The following SLC18A2 variants were observed in gnomAD, a reference collection of about 807,000 sequenced individuals.
SLC18A2 encodes solute carrier family 18 member A2, also known as synaptic vesicular amine transporter.
Under a neutral mutation model 59.2 loss-of-function variants are expected in SLC18A2, and 33 were observed. The observed-to-expected ratio is 0.56, with a 90% confidence interval of 0.42 to 0.75. SLC18A2 has a LOEUF of 0.75. Among genes scored for constraint, SLC18A2 ranks in the 30% least tolerant of loss-of-function variants. SLC18A2 has a pLI of 0.00. For missense variants in SLC18A2, 569 were observed against 668.6 expected, an observed-to-expected ratio of 0.85 and a Z score of 1.64; for synonymous variants, 228 against 253.5, an observed-to-expected ratio of 0.90 and a Z score of 0.95.
chr10:117,251,367 G>A (rs1844160325), intron 3 of SLC18A2, among the ~76,000 whole-genome samples: 1 of 152,138 alleles, frequency 6.6e-6, no homozygotes, highest in African/African-American at 2.4e-5. Context: ...CCGGTGTTGG[G>A]TTTCTTTTGT....
chr10:117,268,999 C>G (rs1357941716), intron 13 of SLC18A2, among the ~76,000 whole-genome samples: 7 of 151,146 alleles, frequency 4.6e-5, no homozygotes, highest in Non-Finnish European at 1.5e-5. Context: ...TACACACAAA[C>G]ACACATACAC....
At chr10:117,251,579 T>G (rs1361966426) in intron 3 of SLC18A2, among the ~76,000 whole-genome samples, 1 of 152,256 alleles carries the variant, frequency 6.6e-6, no homozygotes, top group Non-Finnish European at 1.5e-5. Context: ...GGGAGGGGAC[T>G]GACTGTCTGG....
chr10:117,277,361 A>G lies in SLC18A2; in HGVS notation c.*95A>G. ...CAGAACTGTCTTAGTCATACCATCC[A>G]TCCCTGGTGAAAGAGTAAAACCAAA... On this transcript the variant is annotated 3_prime_UTR_variant, in exon 16 of 16. Transcript: ENST00000644641. 1.5e-6 allele frequency: 1 copy of G among 668,368 alleles called. No homozygotes were observed. The allele number at this position is 668,368 out of a possible 1,614,324, so 41.4% of individuals were successfully genotyped here.
At chr10:117,249,668 G>A (rs1844141422) in intron 3 of SLC18A2, among the ~76,000 whole-genome samples, 1 of 152,178 alleles carries the variant, frequency 6.6e-6, no homozygotes, top group Non-Finnish European at 1.5e-5. Flanking sequence ...GCTTCCATTA[G>A]TCTCTATGGC....
intron 10 of SLC18A2, 41 bp downstream of exon 10, chr10:117,257,933 T>C (rs1844248916): frequency 1.4e-6 from 2 of 1,429,576 alleles, no homozygotes; most frequent in African/African-American, 1.4e-5. Context: ...AGAGCATTTG[T>C]CCCCAGGGCA....
rs1173331691 is a variant in SLC18A2 at position 117,241,138 on chromosome 10, C to T, written c.-98C>T. 6.6e-6 allele frequency: 1 copy of T among 151,956 alleles called. No homozygotes were observed. Among genetic ancestry groups the T allele is most frequent in the Non-Finnish European group, 1.5e-5 (1 of 68,078 alleles). The allele number at this position is 151,956 out of a possible 1,614,324, so 9.4% of individuals were successfully genotyped here. On this transcript the variant is annotated 5_prime_UTR_variant, in exon 1 of 16. Coordinates refer to ENST00000644641, the MANE Select transcript of SLC18A2 (RefSeq NM_003054.6). The stretch of plus-strand genomic sequence containing the variant: ...TGGGGCGGAGACTGCGACCCGGAGC[C>T]GCCCGGACTGACGGAGCCCACTGCG...
In SLC18A2 at chr10:117,277,078, A is replaced by G. The variant is rs1489033487; in HGVS notation, c.1441-84A>G. The G allele has an allele frequency of 6.3e-6, 5 of 792,312 alleles. No individual in the cohort carries two copies. The East Asian group carries it at 1.3e-4, about 21-fold the overall frequency. 49.1% of individuals were successfully genotyped at this position (792,312 alleles called of 1,614,324 possible). ...AGTAATACTACATAGTTTTCAAACTAATAATCCTTAAAAACAGTAGGTTAA... is the reference window on the plus strand; with the variant it reads ...AGTAATACTACATAGTTTTCAAACTGATAATCCTTAAAAACAGTAGGTTAA... On this transcript the variant is annotated intron_variant, in intron 15 of 15. Coordinates refer to ENST00000644641, the MANE Select transcript of SLC18A2 (RefSeq NM_003054.6).
Position 117,257,725 on chromosome 10 carries a change from C to T in SLC18A2, c.896-72C>T, listed in dbSNP as rs183170663. 1,349 of 907,932 alleles carry T rather than the reference C, an allele frequency of 1.5e-3. 4 individuals are homozygous for T. The highest frequency in any genetic ancestry group is 2.1e-3 in the Non-Finnish European group (1,247 of 596,992). The allele number at this position is 907,932 out of a possible 1,614,324, so 56.2% of individuals were successfully genotyped here. A position where few individuals can be genotyped will look rare whatever the true frequency, so the allele number is the denominator to read the frequency against. ...GTTGCGGTTATCTGAGCTGTAGGCG[C>T]ATGGAGTCTAACTGTGCCTGGAAAT... On this transcript the variant is annotated intron_variant, in intron 9 of 15. Transcript: ENST00000644641.
At chr10:117,267,149 G>T in intron 12 of SLC18A2, 114 bp downstream of exon 12, 1 of 773,306 alleles carries the variant, frequency 1.3e-6, no homozygotes, top group Non-Finnish European at 2.2e-6. Context: ...TTTTATTACA[G>T]CTTTCATTTT....
Position 117,270,263 on chromosome 10 carries a change from A to G in SLC18A2, c.1307-67A>G, listed in dbSNP as rs1018661437. On this transcript the variant is annotated intron_variant, in intron 14 of 15. Coordinates refer to ENST00000644641, the MANE Select transcript of SLC18A2 (RefSeq NM_003054.6). Reference sequence around the variant, plus strand: ...GGATAACGTCTACTAAAATTGTTTAAATCTTTGCATCTTTCAGTCTACAAG... The same window carrying G: ...GGATAACGTCTACTAAAATTGTTTAGATCTTTGCATCTTTCAGTCTACAAG... The G allele has an allele frequency of 5.3e-5, 85 of 1,612,934 alleles. 1 individual carries two copies. The highest frequency in any genetic ancestry group is 4.3e-4 in the South Asian group (39 of 90,628).
rs914624854 is a variant in SLC18A2 at position 117,260,216 on chromosome 10, T to A, written c.991+2324T>A. Among the ~76,000 whole-genome samples, 20 of 152,182 alleles carry A rather than the reference T, an allele frequency of 1.3e-4. 1 individual carries two copies. The highest frequency in any genetic ancestry group is 4.3e-4 in the African/African-American group (18 of 41,436). On this transcript the variant is annotated intron_variant, in intron 10 of 15. Coordinates refer to ENST00000644641, the MANE Select transcript of SLC18A2 (RefSeq NM_003054.6). ...CTGGTTAATTTCTGTGGAGAAACTGTCTCCTGCCAGGGTGAAGGCTGGAGT... is the reference window on the plus strand; with the variant it reads ...CTGGTTAATTTCTGTGGAGAAACTGACTCCTGCCAGGGTGAAGGCTGGAGT...
chr10:117,273,030 C>T (rs1176561393), intron 15 of SLC18A2, among the ~76,000 whole-genome samples: 1 of 152,182 alleles, frequency 6.6e-6, no homozygotes, highest in Non-Finnish European at 1.5e-5. Context: ...AGAAGGCATA[C>T]GACCCTTAGC....
intron 10 of SLC18A2, among the ~76,000 whole-genome samples, chr10:117,262,078 T>G (rs1304798220): frequency 6.6e-6 from 1 of 152,196 alleles, no homozygotes; most frequent in Non-Finnish European, 1.5e-5. Flanking sequence ...CGGCTAATTT[T>G]GTATTTTTAG....
At chr10:117,259,265 T>C (rs551843572) in intron 10 of SLC18A2, among the ~76,000 whole-genome samples, 1 of 152,374 alleles carries the variant, frequency 6.6e-6, no homozygotes, top group East Asian at 1.9e-4. Flanking sequence ...TAATGTTTTA[T>C]GTAGTGTTTA....
intron 13 of SLC18A2, 72 bp downstream of exon 13, chr10:117,267,808 A>G: frequency 8.4e-7 from 1 of 1,194,858 alleles, no homozygotes; most frequent in Non-Finnish European, 1.2e-6. Context: ...TTCCTCTGGT[A>G]GACTGTAGTT....
At chr10:117,252,001 C>T (rs905221885) in intron 3 of SLC18A2, among the ~76,000 whole-genome samples, 1 of 152,046 alleles carries the variant, frequency 6.6e-6, no homozygotes. Context: ...CTCTGTCACC[C>T]AGGCTGGAGT....
At chr10:117,268,953 T>TACAC (rs933007049) in intron 13 of SLC18A2, among the ~76,000 whole-genome samples, 24 of 150,550 alleles carry the variant, frequency 1.6e-4, no homozygotes, top group African/African-American at 5.6e-4. Flanking sequence ...CACACATACA[T>TACAC]ACACATACAC....
intron 9 of SLC18A2, among the ~76,000 whole-genome samples, chr10:117,256,284 T>G (rs1225771655): frequency 1.3e-5 from 2 of 152,230 alleles, no homozygotes; most frequent in African/African-American, 2.4e-5. Context: ...TCCCCAAGAC[T>G]GTCCCAGTGG....
intron 3 of SLC18A2, among the ~76,000 whole-genome samples, chr10:117,248,260 C>T (rs959003446): frequency 1.3e-5 from 2 of 152,134 alleles, no homozygotes; most frequent in African/African-American, 2.4e-5. Flanking sequence ...CCACCATGCC[C>T]GGCCCTGTCT....
Sources: allele counts gnomAD v4.1 joint callset (sites outside exome capture counted in the v4.1 genomes callset), GRCh38; gene constraint gnomAD v4.1.1; transcripts MANE v1.5; gene names NCBI Gene and HGNC (gene_info 2026-07-23, HGNC 2026-07-21).